Variants in ACAN observed in about 807,000 individuals in gnomAD.
The protein encoded by ACAN is aggrecan core protein.
In ACAN, 47 loss-of-function variants were observed where a neutral mutation model predicts 169.1. The observed-to-expected ratio is 0.28, with a 90% CI of 0.22 to 0.35. ACAN has a LOEUF of 0.35. ACAN is among the 10% of genes least tolerant of loss of function. The pLI is 1.00. For missense variants in ACAN, 2,716 were observed against 2,759.9 expected (o/e 0.98, Z 0.36); for synonymous variants, 1,115 against 1,112.2 (o/e 1.00, Z -0.05).
At chr15:88,804,048 T>C (rs1895612134) in intron 1 of ACAN, among the ~76,000 whole-genome samples, 1 of 152,162 alleles carries the variant, frequency 6.6e-6, no homozygotes, top group South Asian at 2.1e-4. Flanking sequence ...GGGGCACTTG[T>C]CTCCTAGTCC....
rs770715922 is a variant in ACAN, at chr15:88,838,721, G to C, written c.129G>C (p.Leu43=). Residue 43 remains leucine, a synonymous_variant, in exon 3 of 19, where the codon CTG becomes CTC. Coordinates refer to ENST00000560601, the MANE Select transcript of ACAN (RefSeq NM_001369268.1). The surrounding 1 kb of genome is among the most constrained non-coding windows in gnomAD (Gnocchi z 5.1). ...IPQPSPLRVL[L]GTSLTIPCYF... ...AACCGTCCCCGCTGAGGGTCCTCCT[G>C]GGGACCTCCCTCACCATCCCCTGCT... 2 of 1,611,118 alleles carry C rather than the reference G, an allele frequency of 1.2e-6. No homozygotes were observed. Among genetic ancestry groups the C allele is most frequent in the South Asian group, 2.2e-5 (2 of 90,852 alleles).
In ACAN at chr15:88,870,534, T is replaced by A. The variant is rs1281442829; in HGVS notation, c.7061-848T>A. Among the ~76,000 whole-genome samples the A allele has an allele frequency of 6.6e-6, 1 of 152,182 alleles. No individual in the cohort carries two copies. Among genetic ancestry groups the A allele is most frequent in the Non-Finnish European group, 1.5e-5 (1 of 68,018 alleles). ...TTTAAAGCTATCAACATGATGTCAC[T>A]GAAGGCGAGGTTGAGAGGAGACACT... On this transcript the variant is annotated intron_variant, in intron 14 of 18. Coordinates refer to ENST00000560601, the MANE Select transcript of ACAN (RefSeq NM_001369268.1). This position sits in a 1 kb window ranked among gnomAD's most constrained non-coding sequence, Gnocchi z 6.3.
intron 1 of ACAN, 60 bp from the exon 2 acceptor site, chr15:88,836,140 T>C (rs1896497138): frequency 3.2e-6 from 4 of 1,234,200 alleles, no homozygotes; most frequent in Non-Finnish European, 3.6e-6. Context: ...GTCACATGAC[T>C]CTGCTTGACC....
chr15:88,845,683 T>A lies in ACAN; in HGVS notation c.1230T>A (p.Ser410Arg). The A allele has an allele frequency of 6.2e-7, 1 of 1,613,972 alleles. No homozygotes were observed. Among genetic ancestry groups the A allele is most frequent in the Non-Finnish European group, 8.5e-7 (1 of 1,179,880 alleles). The change falls in exon 7 of 19, where the codon AGT (serine) becomes AGA (arginine). Residue 410 changes from serine (S) to arginine (R), a missense_variant. Physicochemically the swap from Ser to Arg is moderately radical, Grantham distance 110 (BLOSUM62 -1). Around this residue, in one of 3 missense-constraint regions of ACAN, gnomAD observed 1,283 missense variants for 1,281.5 expected, o/e 1.00. Transcript: ENST00000560601. Reference protein sequence around the residue: ...TVKPIFEVSPSPLEPEEPFTF... With the variant: ...TVKPIFEVSPRPLEPEEPFTF... ...AGCCCATCTTCGAGGTCTCCCCCAG[T>A]CCCCTGGAACCCGAGGAGCCCTTCA...
chr15:88,855,092 C>T lies in ACAN; in HGVS notation c.2507C>T (p.Ser836Leu). Reference sequence around the variant, plus strand: ...GAGCCATCCCCCTCAGAGGAACCATCAGCCTCGGAAGAGCCGTATACACCT... The same window carrying T: ...GAGCCATCCCCCTCAGAGGAACCATTAGCCTCGGAAGAGCCGTATACACCT... ...SKEPSPSEEP[S>L]ASEEPYTPSP... Residue 836 changes from serine (S) to leucine (L), a missense_variant, in exon 12 of 19, where the codon TCA becomes TTA. Ser to Leu is a moderately radical substitution (Grantham distance 145). Coordinates refer to ENST00000560601, the MANE Select transcript of ACAN (RefSeq NM_001369268.1). The T allele has an allele frequency of 6.3e-7, 1 of 1,592,616 alleles. No individual in the cohort carries two copies. The highest frequency in any genetic ancestry group is 8.5e-7 in the Non-Finnish European group (1 of 1,170,442).
intron 1 of ACAN, 116 bp from the exon 2 acceptor site, chr15:88,836,084 G>A: frequency 1.4e-6 from 1 of 694,118 alleles, no homozygotes; most frequent in Non-Finnish European, 2.5e-6. Context: ...CTTCTCTGGA[G>A]ATGATTCCAG....
Position 88,857,861 on chromosome 15 carries a change from C to T in ACAN, c.5276C>T (p.Ser1759Phe), listed in dbSNP as rs868024119. The T allele has an allele frequency of 6.2e-7, 1 of 1,613,760 alleles. No homozygotes were observed. The change falls in exon 12 of 19, where the codon TCC (serine) becomes TTC (phenylalanine). Residue 1759 changes from serine to phenylalanine, a missense_variant. Around this residue, in one of 3 missense-constraint regions of ACAN, gnomAD observed 1,389 missense variants for 1,363.7 expected, o/e 1.02. Transcript: ENST00000560601. ...GGAGTGACTGAGCTTAGCGGGCTGTCCTCTGGACAACCAGGTATTAGTGGA... is the reference window on the plus strand; with the variant it reads ...GGAGTGACTGAGCTTAGCGGGCTGTTCTCTGGACAACCAGGTATTAGTGGA... ...TSGVTELSGL[S>F]SGQPGISGEA... is the part of the protein sequence containing the mutation.
rs754913339 is a variant in ACAN, at chr15:88,855,290, G to C, written c.2705G>C (p.Ser902Thr). 6.2e-7 allele frequency: 1 copy of C among 1,611,292 alleles called. No homozygotes were observed. Among genetic ancestry groups the C allele is most frequent in the East Asian group, 2.2e-5 (1 of 44,776 alleles). Residue 902 changes from serine (S) to threonine (T), a missense_variant, in exon 12 of 19, where the codon AGT becomes ACT. Transcript: ENST00000560601. ...SGLPSGDLDS[S>T]GLTSTVGSGL... Reference sequence around the variant, plus strand: ...CTGCCCTCTGGAGACCTGGACTCCAGTGGTCTTACTTCCACAGTGGGCTCA... The same window carrying C: ...CTGCCCTCTGGAGACCTGGACTCCACTGGTCTTACTTCCACAGTGGGCTCA...
In ACAN at chr15:88,873,063, A is replaced by G. The variant is rs1309197786; in HGVS notation, c.7447+38A>G. The G allele has an allele frequency of 2.5e-6, 4 of 1,600,656 alleles. No homozygotes were observed. The African/African-American group carries it at 5.4e-5, about 21-fold the overall frequency. On this transcript the variant is annotated intron_variant, in intron 17 of 18. Transcript: ENST00000560601. This position sits in a 1 kb window ranked among gnomAD's most constrained non-coding sequence, Gnocchi z 7.5. ...CTGGGAGGGGTCAGGGGAGGATAGG[A>G]TCAAGACCTCCAGCTACAGGTGAGG...
At position 88,874,151 on chromosome 15, in the gene ACAN, G is replaced by A; in HGVS notation, c.7630+127G>A. On this transcript the variant is annotated intron_variant, in intron 18 of 18. Coordinates refer to ENST00000560601, the MANE Select transcript of ACAN (RefSeq NM_001369268.1). The surrounding 1 kb of genome is among the most constrained non-coding windows in gnomAD (Gnocchi z 7.3). Reference sequence around the variant, plus strand: ...TTGAGCAAGGGAAGGGAGGTCGGGGGGCTGCTCAGTCACAAATAGCTGACC... The same window carrying A: ...TTGAGCAAGGGAAGGGAGGTCGGGGAGCTGCTCAGTCACAAATAGCTGACC... 1.5e-6 allele frequency: 2 copies of A among 1,336,838 alleles called. No homozygotes were observed. Among genetic ancestry groups the A allele is most frequent in the Non-Finnish European group, 2.1e-6 (2 of 966,942 alleles). 82.8% of individuals were successfully genotyped at this position (1,336,838 alleles called of 1,614,324 possible).
rs1452295495 is a variant in ACAN, at chr15:88,814,236, T to C, written c.-8+10427T>C. ...CGATAGATTTGTTGGGAGGGTAAAATGAGATAATATAGCTAAACCACAGTA... is the reference window on the plus strand; with the variant it reads ...CGATAGATTTGTTGGGAGGGTAAAACGAGATAATATAGCTAAACCACAGTA... On this transcript the variant is annotated intron_variant, in intron 1 of 18. Coordinates refer to ENST00000560601, the MANE Select transcript of ACAN (RefSeq NM_001369268.1). The surrounding 1 kb of genome is among the most constrained non-coding windows in gnomAD (Gnocchi z 4.0). Among the ~76,000 whole-genome samples the C allele has an allele frequency of 3.3e-5, 5 of 152,118 alleles. No homozygotes were observed. The highest frequency in any genetic ancestry group is 4.4e-5 in the Non-Finnish European group (3 of 68,024).
chr15:88,871,628 C>T lies in ACAN; in HGVS notation c.7219+88C>T, dbSNP rs1397658379. 2 of 1,470,060 alleles carry T rather than the reference C, an allele frequency of 1.4e-6. No homozygotes were observed. Among genetic ancestry groups the T allele is most frequent in the African/African-American group, 1.4e-5 (1 of 72,106 alleles). The allele number at this position is 1,470,060 out of a possible 1,614,324, so 91.1% of individuals were successfully genotyped here. ...CTTTCAGAAGGCAGCAGATTTGGGCCTCGTGAGACTGCAGGACAGGGACCT... is the reference window on the plus strand; with the variant it reads ...CTTTCAGAAGGCAGCAGATTTGGGCTTCGTGAGACTGCAGGACAGGGACCT... On this transcript the variant is annotated intron_variant, in intron 15 of 18. Transcript: ENST00000560601. The surrounding 1 kb of genome is among the most constrained non-coding windows in gnomAD (Gnocchi z 7.8).
chr15:88,829,180 G>T (rs191176454), intron 1 of ACAN, among the ~76,000 whole-genome samples: 49 of 152,290 alleles, frequency 3.2e-4, no homozygotes, highest in Non-Finnish European at 5.3e-4. Context: ...TCAAAGATAC[G>T]GAAAAAGACA....
intron 1 of ACAN, among the ~76,000 whole-genome samples, chr15:88,805,112 A>G (rs1282531603): frequency 6.6e-6 from 1 of 152,166 alleles, no homozygotes; most frequent in Non-Finnish European, 1.5e-5. Context: ...GTCCTGATTT[A>G]AGAGTCCAGA....
chr15:88,830,951 A>T (rs1383973303), intron 1 of ACAN, among the ~76,000 whole-genome samples: 1 of 152,202 alleles, frequency 6.6e-6, no homozygotes, highest in African/African-American at 2.4e-5. Flanking sequence ...CCATCATCGT[A>T]GGTACAGTTT....
rs140931696 is a variant in ACAN, at chr15:88,832,413, C to T, written c.-7-3787C>T. Among the ~76,000 whole-genome samples the T allele has an allele frequency of 1.2e-3, 185 of 151,866 alleles. No individual in the cohort carries two copies. In the Middle Eastern group the frequency reaches 0.021, roughly 17 times the overall value. The stretch of plus-strand genomic sequence containing the variant: ...TCACTTGAGGACAGGAGTTCGAGAC[C>T]AGCCTGCCCAACATGGTGAAACCAT... On this transcript the variant is annotated intron_variant, in intron 1 of 18. Transcript: ENST00000560601.
At position 88,874,850 on chromosome 15, in the gene ACAN, C is replaced by G. The variant is rs1338772156; in HGVS notation, c.*369C>G. 11 of 360,332 alleles carry G rather than the reference C, an allele frequency of 3.1e-5. No individual in the cohort carries two copies. The highest frequency in any genetic ancestry group is 5.4e-5 in the Non-Finnish European group (10 of 185,126). 22.3% of individuals were successfully genotyped at this position (360,332 alleles called of 1,614,324 possible). A position where few individuals can be genotyped will look rare whatever the true frequency, so the allele number is the denominator to read the frequency against. On this transcript the variant is annotated 3_prime_UTR_variant, in exon 19 of 19. Coordinates refer to ENST00000560601, the MANE Select transcript of ACAN (RefSeq NM_001369268.1). The surrounding 1 kb of genome is among the most constrained non-coding windows in gnomAD (Gnocchi z 7.3). The stretch of plus-strand genomic sequence containing the variant: ...TTTGTTTCCTGACTTTATCCAAGAG[C>G]AGTGCAATCGTTGGTTATTTCACCT...
In ACAN at chr15:88,868,731, C is replaced by G; in HGVS notation, c.7060+402C>G. 6.6e-6 allele frequency among the ~76,000 whole-genome samples: 1 copy of G among 152,164 alleles called. No individual in the cohort carries two copies. Among genetic ancestry groups the G allele is most frequent in the East Asian group, 1.9e-4 (1 of 5,188 alleles). The stretch of plus-strand genomic sequence containing the variant: ...CTCAGTGTGGTCATGGGCATGGGAC[C>G]TTTGTGGTTCCTTCATGGCCCTGGG... On this transcript the variant is annotated intron_variant, in intron 14 of 18. Coordinates refer to ENST00000560601, the MANE Select transcript of ACAN (RefSeq NM_001369268.1). The surrounding 1 kb of genome is among the most constrained non-coding windows in gnomAD (Gnocchi z 5.2).
rs571669416 is a variant in ACAN, at chr15:88,866,574, C to T, written c.6947-1642C>T. 2.6e-5 allele frequency among the ~76,000 whole-genome samples: 4 copies of T among 151,692 alleles called. No individual in the cohort carries two copies. The highest frequency in any genetic ancestry group is 4.4e-5 in the Non-Finnish European group (3 of 67,868). On this transcript the variant is annotated intron_variant, in intron 13 of 18. Coordinates refer to ENST00000560601, the MANE Select transcript of ACAN (RefSeq NM_001369268.1). This position sits in a 1 kb window ranked among gnomAD's most constrained non-coding sequence, Gnocchi z 5.6. ...ACTGTTGGTTCTAGTCTATGGTGTG[C>T]CCCCCCGAGATGAAGTTAAAGACTT...
Sources: allele counts gnomAD v4.1 joint callset (sites outside exome capture counted in the v4.1 genomes callset), GRCh38; gene constraint gnomAD v4.1.1; regional missense constraint gnomAD v4.1.1; non-coding constraint Gnocchi (gnomAD v3.1); transcripts MANE v1.5; gene names NCBI Gene and HGNC (gene_info 2026-07-23, HGNC 2026-07-21).